Variants in PRMT2 observed in about 807,000 individuals in gnomAD.
PRMT2 encodes the protein protein arginine methyltransferase 2.
A neutral mutation model predicts 57.6 loss-of-function variants in PRMT2; 26 were observed. That is an observed-to-expected ratio of 0.45 (90% CI 0.33 to 0.63). The LOEUF is 0.63. Among genes scored for constraint, PRMT2 ranks in the 20% least tolerant of loss-of-function variants. The pLI is 0.02. For missense variants in PRMT2, 472 were observed against 564.4 expected, an observed-to-expected ratio of 0.84 and a Z score of 1.66; for synonymous variants, 219 against 220.0, an observed-to-expected ratio of 1.00 and a Z score of 0.04.
Position 46,649,975 on chromosome 21 carries a change from A to T in PRMT2, c.654+236A>T. On this transcript the variant is annotated intron_variant, in intron 7 of 11. Coordinates refer to ENST00000355680, the MANE Select transcript of PRMT2 (RefSeq NM_206962.4). The surrounding 1 kb of genome is among the most constrained non-coding windows in gnomAD (Gnocchi z 4.8). ...TCAAAGTTCATGTAACATTTTCATG[A>T]GTGATTTACATGAACTGTGTTCTCC... The T allele has an allele frequency of 7.0e-7, 1 of 1,434,070 alleles. No individual in the cohort carries two copies. The highest frequency in any genetic ancestry group is 9.2e-7 in the Non-Finnish European group (1 of 1,092,366). 88.8% of individuals were successfully genotyped at this position (1,434,070 alleles called of 1,614,324 possible).
chr21:46,636,868 TTG>T (rs1353204158), intron 2 of PRMT2, 26 bp from the exon 3 acceptor site: 2 of 1,393,740 alleles, frequency 1.4e-6, no homozygotes, highest in Non-Finnish European at 2.0e-6. Flanking sequence ...AACAAGTACT[TTG>T]TGTCTCCTTC....
At chr21:46,659,085 T>C in intron 8 of PRMT2, 165 bp downstream of exon 8, 8 of 1,412,838 alleles carry the variant, frequency 5.7e-6, no homozygotes, top group Non-Finnish European at 7.4e-6. Context: ...ATTAAAGCAG[T>C]ATGGTGCTAT....
intron 10 of PRMT2, among the ~76,000 whole-genome samples, chr21:46,662,869 C>T (rs1213669207): frequency 6.6e-6 from 1 of 152,222 alleles, no homozygotes; most frequent in African/African-American, 2.4e-5. Flanking sequence ...GAAGCGACTC[C>T]TTGGACCTGA....
chr21:46,644,293 T>TC lies in PRMT2; in HGVS notation c.145-13_145-12insC. 1 of 1,597,144 alleles carries TC rather than the reference T, an allele frequency of 6.3e-7. No individual in the cohort carries two copies. Among genetic ancestry groups the TC allele is most frequent in the African/African-American group, 1.4e-5 (1 of 73,394 alleles). On this transcript the variant is annotated splice_polypyrimidine_tract_variant and intron_variant, in intron 4 of 11. Transcript: ENST00000355680. ...CTGGTTTTCTTATTGAATTTTAACT[T>TC]TTTTTTTTCCAGCTCAGTTTTTTGA...
chr21:46,651,998 C>T (rs1373572371), intron 7 of PRMT2: 9 of 1,613,144 alleles, frequency 5.6e-6, no homozygotes, highest in Middle Eastern at 1.6e-4. Context: ...GCCCATCTTC[C>T]TACTCTGACG....
chr21:46,639,700 G>A (rs1326199826), intron 3 of PRMT2, among the ~76,000 whole-genome samples: 1 of 150,310 alleles, frequency 6.7e-6, no homozygotes, highest in Admixed American at 6.6e-5. Context: ...GTGTGTGTGT[G>A]TGTGTGTTTG....
chr21:46,643,699 A>T, intron 4 of PRMT2, 60 bp downstream of exon 4: 1 of 1,526,716 alleles, frequency 6.6e-7, no homozygotes. Context: ...TCAAAAGGAG[A>T]TAAATTTTGC....
Position 46,649,501 on chromosome 21 carries a change from G to C in PRMT2, c.490-74G>C. 3.7e-6 allele frequency: 6 copies of C among 1,605,218 alleles called. No individual in the cohort carries two copies. The highest frequency in any genetic ancestry group is 5.1e-6 in the Non-Finnish European group (6 of 1,173,464). On this transcript the variant is annotated intron_variant, in intron 6 of 11. Transcript: ENST00000355680. This position sits in a 1 kb window ranked among gnomAD's most constrained non-coding sequence, Gnocchi z 4.8. ...TCATTGACCATTTCTCGTGATGCTGGTTGTGACTCAGGAGAGTAGATGACG... is the reference window on the plus strand; with the variant it reads ...TCATTGACCATTTCTCGTGATGCTGCTTGTGACTCAGGAGAGTAGATGACG...
At chr21:46,642,975 C>T (rs1601920477) in intron 3 of PRMT2, among the ~76,000 whole-genome samples, 3 of 151,582 alleles carry the variant, frequency 2.0e-5, no homozygotes, top group Admixed American at 1.3e-4. Context: ...TGCCCTGAGC[C>T]GAGATCATGC....
At chr21:46,661,553 C>T (rs895687922) in intron 9 of PRMT2, 1 of 223,696 alleles carries the variant, frequency 4.5e-6, no homozygotes, top group Non-Finnish European at 7.1e-6. Context: ...AGCTGAGCGC[C>T]GAAAAGATTC....
At chr21:46,656,586 A>C (rs2061545125) in intron 7 of PRMT2, among the ~76,000 whole-genome samples, 1 of 152,188 alleles carries the variant, frequency 6.6e-6, no homozygotes, top group Non-Finnish European at 1.5e-5. Flanking sequence ...AATGGAGAAA[A>C]GACAGTCTTT....
chr21:46,659,565 ATGT>A (rs1157726340), intron 8 of PRMT2: 10 of 956,170 alleles, frequency 1.0e-5, no homozygotes, highest in South Asian at 4.8e-5. Context: ...AAAAATTATA[ATGT>A]TGTTAGTAGT....
intron 7 of PRMT2, chr21:46,656,749 T>A (rs184996046): frequency 2.6e-5 from 4 of 152,310 alleles, no homozygotes; most frequent in Non-Finnish European, 4.4e-5. Flanking sequence ...TAGAAAATCT[T>A]CATCACCTGG....
chr21:46,642,223 A>G (rs2061289027), intron 3 of PRMT2, among the ~76,000 whole-genome samples: 1 of 152,270 alleles, frequency 6.6e-6, no homozygotes, highest in Non-Finnish European at 1.5e-5. Flanking sequence ...AGGTACATAC[A>G]GAATGATTTA....
In PRMT2 at chr21:46,664,334, ATG is replaced by A. The variant is rs763661278; in HGVS notation, c.*8_*9del. ...CTTCCCCATCTGGAGATGACAGTTG[ATG>A]CTTTATTTGGAAAGCAGTGTGCATA... On this transcript the variant is annotated 3_prime_UTR_variant, in exon 12 of 12. Coordinates refer to ENST00000355680, the MANE Select transcript of PRMT2 (RefSeq NM_206962.4). 59 of 1,614,018 alleles carry A rather than the reference ATG, an allele frequency of 3.7e-5. No homozygotes were observed. The highest frequency in any genetic ancestry group is 1.6e-4 in the Middle Eastern group (1 of 6,084).
chr21:46,643,487 A>G (rs2061313781), intron 3 of PRMT2, 48 bp from the exon 4 acceptor site: 1 of 1,412,712 alleles, frequency 7.1e-7, no homozygotes, highest in Admixed American at 2.7e-5. Flanking sequence ...AAAAAAAAAA[A>G]AAAAAGCTCC....
rs1411114714 is a variant in PRMT2 at position 46,649,438 on chromosome 21, G to A, written c.490-137G>A. 1.6e-5 allele frequency: 22 copies of A among 1,404,726 alleles called. No individual in the cohort carries two copies. The highest frequency in any genetic ancestry group is 6.9e-5 in the East Asian group (3 of 43,354). 87.0% of individuals were successfully genotyped at this position (1,404,726 alleles called of 1,614,324 possible). A position where few individuals can be genotyped will look rare whatever the true frequency, so the allele number is the denominator to read the frequency against. On this transcript the variant is annotated intron_variant, in intron 6 of 11. Coordinates refer to ENST00000355680, the MANE Select transcript of PRMT2 (RefSeq NM_206962.4). This position sits in a 1 kb window ranked among gnomAD's most constrained non-coding sequence, Gnocchi z 4.8. ...GGAGGGGCAGGTGTGGCCAGTCCTC[G>A]CTGCCTCTGCTGTCTGGAATGCTGC...
chr21:46,663,698 G>A, intron 11 of PRMT2, 144 bp downstream of exon 11: 1 of 842,100 alleles, frequency 1.2e-6, no homozygotes, highest in South Asian at 1.9e-5. Flanking sequence ...TACACAGAAA[G>A]CGCCTGTTGT....
Position 46,637,119 on chromosome 21 carries a change from G to A in PRMT2, c.39+129G>A, listed in dbSNP as rs116491365. 1.7e-3 allele frequency: 1,431 copies of A among 837,464 alleles called. 15 individuals carry two copies. In the African/African-American group the frequency reaches 0.022, roughly 13 times the overall value. 51.9% of individuals were successfully genotyped at this position (837,464 alleles called of 1,614,324 possible). A position where few individuals can be genotyped will look rare whatever the true frequency, so the allele number is the denominator to read the frequency against. On this transcript the variant is annotated intron_variant, in intron 3 of 11. Transcript: ENST00000355680. Reference sequence around the variant, plus strand: ...GGAAGGTGGCCACCGGCAGTAGAATGCTTAAATGTGAAGATTGTGAGGCAG... The same window carrying A: ...GGAAGGTGGCCACCGGCAGTAGAATACTTAAATGTGAAGATTGTGAGGCAG...
Sources: allele counts gnomAD v4.1 joint callset (sites outside exome capture counted in the v4.1 genomes callset), GRCh38; gene constraint gnomAD v4.1.1; non-coding constraint Gnocchi (gnomAD v3.1); transcripts MANE v1.5; gene names NCBI Gene and HGNC (gene_info 2026-07-23, HGNC 2026-07-21).